Variants in DPP10 observed in about 807,000 individuals in gnomAD.
DPP10 encodes the protein inactive dipeptidyl peptidase 10.
A neutral mutation model predicts 120.9 loss-of-function variants in DPP10; 33 were observed. The ratio of observed to expected loss-of-function variants is 0.27; its 90% confidence interval spans 0.21 to 0.37. The LOEUF (loss-of-function observed/expected upper bound fraction) is 0.37. Among genes scored for constraint, DPP10 ranks in the 10% least tolerant of loss-of-function variants. The pLI is 1.00. For missense variants in DPP10, 816 were observed against 942.8 expected (o/e 0.87, Z 1.76); for synonymous variants, 337 against 326.1 (o/e 1.03, Z -0.36).
chr2:114,560,536 A>C (rs1688684281), intron 1 of DPP10, among the ~76,000 whole-genome samples: 2 of 152,120 alleles, frequency 1.3e-5, no homozygotes, highest in Non-Finnish European at 2.9e-5. Context: ...GGGCTTACAT[A>C]CCCTATAGCC....
chr2:115,284,634 A>G (rs184642560), intron 1 of DPP10, among the ~76,000 whole-genome samples: 73 of 152,112 alleles, frequency 4.8e-4, no homozygotes, highest in Non-Finnish European at 7.1e-4. Flanking sequence ...GGAGGTAGCT[A>G]TGTTAGAATG....
chr2:114,940,545 A>G (rs539924785), intron 1 of DPP10, among the ~76,000 whole-genome samples: 1 of 151,156 alleles, frequency 6.6e-6, no homozygotes, highest in East Asian at 1.9e-4. Context: ...TCTACACCAG[A>G]GACCACTCAG....
intron 1 of DPP10, among the ~76,000 whole-genome samples, chr2:114,953,690 G>C (rs1697967418): frequency 6.6e-6 from 1 of 151,998 alleles, no homozygotes; most frequent in Non-Finnish European, 1.5e-5. Context: ...CATATTTCTT[G>C]CTATGTGCTA....
rs966984375 is a variant in DPP10, at chr2:114,879,801, C to T, written c.61-429438C>T. The stretch of plus-strand genomic sequence containing the variant: ...GTAAAATGCTGTGGAAGACAGTGAC[C>T]ACTTCCTCTCACTGACAGGCGGTTC... On this transcript the variant is annotated intron_variant, in intron 1 of 25. Transcript: ENST00000410059. 3.9e-5 allele frequency among the ~76,000 whole-genome samples: 6 copies of T among 152,066 alleles called. No individual in the cohort carries two copies. In the South Asian group the frequency reaches 1.2e-3, roughly 31 times the overall value.
chr2:114,659,636 G>T (rs932323940), intron 1 of DPP10, among the ~76,000 whole-genome samples: 1 of 152,072 alleles, frequency 6.6e-6, no homozygotes, highest in African/African-American at 2.4e-5. Context: ...GTTTATCTGG[G>T]ACCTGCAGTG....
chr2:114,806,230 C>T lies in DPP10; in HGVS notation c.60+363392C>T, dbSNP rs1366391859. ...ACATATTTTTATTTTTGAATGATGT[C>T]GACATTACAAGCTATTTTACAGGCT... On this transcript the variant is annotated intron_variant, in intron 1 of 25. Coordinates refer to ENST00000410059, the MANE Select transcript of DPP10 (RefSeq NM_020868.6). Among the ~76,000 whole-genome samples the T allele has an allele frequency of 2.6e-5, 4 of 152,134 alleles. No homozygotes were observed. In the East Asian group the frequency reaches 5.8e-4, roughly 22 times the overall value.
rs1039029248 is a variant in DPP10 at position 115,042,276 on chromosome 2, A to AT, written c.61-266953dup. Among the ~76,000 whole-genome samples the AT allele has an allele frequency of 1.1e-3, 163 of 149,600 alleles. 1 individual carries two copies. In the Middle Eastern group the frequency reaches 0.02, roughly 19 times the overall value. On this transcript the variant is annotated intron_variant, in intron 1 of 25. Transcript: ENST00000410059. ...ATCTAGTGTCATTGCTATTGTAATT[A>AT]TTTTTTTTTTGACAGGGCCTCACTG...
At chr2:115,004,635 C>T (rs1375529114) in intron 1 of DPP10, among the ~76,000 whole-genome samples, 2 of 152,170 alleles carry the variant, frequency 1.3e-5, no homozygotes, top group Non-Finnish European at 2.9e-5. Context: ...CGGGTCACTC[C>T]CACCCTAATA....
At chr2:115,171,835 G>A (rs2053365096) in intron 1 of DPP10, among the ~76,000 whole-genome samples, 1 of 152,044 alleles carries the variant, frequency 6.6e-6, no homozygotes, top group Non-Finnish European at 1.5e-5. Context: ...GTGGTCCTTA[G>A]ACTTTTGGCA....
chr2:115,536,127 G>C (rs1478627313), intron 5 of DPP10, among the ~76,000 whole-genome samples: 1 of 151,870 alleles, frequency 6.6e-6, no homozygotes, highest in Admixed American at 6.6e-5. Flanking sequence ...CACAAAAAAA[G>C]AAGATAGAAA....
chr2:115,725,769 C>A (rs2092752291), intron 7 of DPP10, among the ~76,000 whole-genome samples: 1 of 152,090 alleles, frequency 6.6e-6, no homozygotes. Flanking sequence ...ACTCACAAGT[C>A]CCACTAGAAG....
intron 5 of DPP10, among the ~76,000 whole-genome samples, chr2:115,529,139 T>A (rs1384321084): frequency 6.6e-6 from 1 of 152,070 alleles, no homozygotes; most frequent in Non-Finnish European, 1.5e-5. Context: ...TGTAATTTTT[T>A]AAAAAGTCCT....
chr2:114,778,165 C>T (rs768456115), intron 1 of DPP10, among the ~76,000 whole-genome samples: 1 of 152,016 alleles, frequency 6.6e-6, no homozygotes, highest in African/African-American at 2.4e-5. Context: ...TCATTCATTA[C>T]CCTAATCATT....
At chr2:115,571,164 C>T (rs1318608664) in intron 5 of DPP10, among the ~76,000 whole-genome samples, 1 of 152,198 alleles carries the variant, frequency 6.6e-6, no homozygotes, top group Non-Finnish European at 1.5e-5. Context: ...AAGTATGAGT[C>T]AACACAATGC....
intron 1 of DPP10, among the ~76,000 whole-genome samples, chr2:114,515,781 T>G (rs1480199956): frequency 6.6e-6 from 1 of 151,580 alleles, no homozygotes; most frequent in Non-Finnish European, 1.5e-5. Context: ...TCCACAATTC[T>G]GTATAACATC....
At chr2:115,102,395 T>TTTTG (rs141019149) in intron 1 of DPP10, among the ~76,000 whole-genome samples, 2,147 of 150,898 alleles carry the variant, frequency 0.014, 38 homozygotes, top group African/African-American at 0.043. Context: ...GGGAGGGGTT[T>TTTTG]TTTGTTTGTT....
intron 1 of DPP10, among the ~76,000 whole-genome samples, chr2:115,231,343 T>A (rs2057725221): frequency 6.6e-6 from 1 of 152,142 alleles, no homozygotes; most frequent in South Asian, 2.1e-4. Flanking sequence ...TAAACATCTA[T>A]GTTTATCTTA....
chr2:115,271,193 T>G (rs1402297166), intron 1 of DPP10, among the ~76,000 whole-genome samples: 1 of 152,202 alleles, frequency 6.6e-6, no homozygotes, highest in African/African-American at 2.4e-5. Flanking sequence ...TTAAATTCAA[T>G]TTGATTAGGT....
At chr2:115,204,577 A>G (rs2055986086) in intron 1 of DPP10, among the ~76,000 whole-genome samples, 1 of 152,180 alleles carries the variant, frequency 6.6e-6, no homozygotes, top group South Asian at 2.1e-4. Context: ...CATTTTAGAA[A>G]TGGGAATCTG....
Sources: gnomAD v4.1 joint callset for allele counts (sites outside exome capture counted in the v4.1 genomes callset) on GRCh38, gnomAD v4.1.1 for gene constraint, MANE v1.5 for transcripts, NCBI Gene and HGNC (gene_info 2026-07-23, HGNC 2026-07-21) for gene names.